Variants in ISM1 observed in about 807,000 individuals in gnomAD.
The protein encoded by ISM1 is isthmin-1.
Under a neutral mutation model 46.3 loss-of-function variants are expected in ISM1, and 25 were observed. The ratio of observed to expected loss-of-function variants is 0.54; its 90% confidence interval spans 0.39 to 0.75. The LOEUF (loss-of-function observed/expected upper bound fraction) is 0.75. Ranked by LOEUF, ISM1 falls within the 30% of genes least tolerant of loss-of-function variation. The pLI, the probability that ISM1 is intolerant of heterozygous loss-of-function variation, is 0.00. For missense variants in ISM1, 536 were observed against 625.4 expected (o/e 0.86, Z 1.52); for synonymous variants, 255 against 256.7 (o/e 0.99, Z 0.06).
At chr20:13,251,809 C>T (rs1405509346) in intron 1 of ISM1, among the ~76,000 whole-genome samples, 2 of 152,082 alleles carry the variant, frequency 1.3e-5, no homozygotes, top group African/African-American at 2.4e-5. Flanking sequence ...CTTTTCTGTA[C>T]GCCACTGGGG....
At chr20:13,326,714 C>T in the ISM1 span, among the ~76,000 whole-genome samples, 10 of 152,268 alleles carry the variant, frequency 6.6e-5, no homozygotes, top group East Asian at 1.9e-3. Context: ...GTTGTTTACA[C>T]ATGATTATCT....
At chr20:13,257,676 T>G (rs1223287351) in intron 1 of ISM1, among the ~76,000 whole-genome samples, 1 of 151,782 alleles carries the variant, frequency 6.6e-6, no homozygotes, top group Non-Finnish European at 1.5e-5. Context: ...TAAAGCAGTG[T>G]TGGGGTGGAC....
downstream of ISM1, among the ~76,000 whole-genome samples, chr20:13,303,556 C>T (rs1029113166): frequency 5.9e-5 from 9 of 152,158 alleles, no homozygotes; most frequent in African/African-American, 2.2e-4. Context: ...CCTACATGCC[C>T]AGGTTCCAGC....
intron 1 of ISM1, among the ~76,000 whole-genome samples, chr20:13,224,908 C>T (rs1469944877): frequency 4.2e-5 from 6 of 144,320 alleles, no homozygotes; most frequent in Non-Finnish European, 3.0e-5. Flanking sequence ...TGCAGTGGCG[C>T]GATCTCTGCT....
At chr20:13,237,691 T>C (rs1359533558) in intron 1 of ISM1, 1 of 152,196 alleles carries the variant, frequency 6.6e-6, no homozygotes, top group Non-Finnish European at 1.5e-5. Flanking sequence ...TGTGTATATT[T>C]CTGTAGGAAT....
intron 1 of ISM1, among the ~76,000 whole-genome samples, chr20:13,267,601 C>CTA (rs2040057502): frequency 6.6e-6 from 1 of 152,152 alleles, no homozygotes. Context: ...TGGTCTGGGG[C>CTA]TAAGCCAGAA....
downstream of ISM1, among the ~76,000 whole-genome samples, chr20:13,302,715 G>A (rs919468180): frequency 6.6e-5 from 10 of 152,164 alleles, no homozygotes; most frequent in African/African-American, 9.7e-5. Flanking sequence ...CTCTTTGAGT[G>A]CACTGCTCTT....
chr20:13,278,365 T>C (rs1044934962), intron 2 of ISM1, among the ~76,000 whole-genome samples: 47 of 152,134 alleles, frequency 3.1e-4, no homozygotes, highest in Non-Finnish European at 5.7e-4. Flanking sequence ...GGATGAGCCA[T>C]GGGGTGAGTG....
Position 13,221,841 on chromosome 20 carries a change from C to G in ISM1, c.65C>G (p.Thr22Ser), listed in dbSNP as rs1244270685. The change falls in exon 1 of 6, where the codon ACC (threonine) becomes AGC (serine). Residue 22 changes from threonine (T) to serine (S), a missense_variant. By Grantham distance (58) the Thr-to-Ser change is moderately conservative. Coordinates refer to ENST00000262487, the MANE Select transcript of ISM1 (RefSeq NM_080826.2). Reference protein sequence around the residue: ...LGLLLLTLHITVLRGSGAADG... With the variant: ...LGLLLLTLHISVLRGSGAADG... ...CTGCTGCTGCTCACGCTGCACATCA[C>G]CGTGCTGCGCGGCTCGGGAGCCGCC... The G allele has an allele frequency of 1.4e-6, 2 of 1,443,308 alleles. No individual in the cohort carries two copies. The highest frequency in any genetic ancestry group is 6.1e-5 in the East Asian group (2 of 32,902). The allele number at this position is 1,443,308 out of a possible 1,614,324, so 89.4% of individuals were successfully genotyped here.
At chr20:13,240,681 G>A (rs2039709651) in intron 1 of ISM1, among the ~76,000 whole-genome samples, 1 of 152,216 alleles carries the variant, frequency 6.6e-6, no homozygotes, top group Non-Finnish European at 1.5e-5. Flanking sequence ...CTGATCAGTG[G>A]ATAATGAGAG....
chr20:13,229,836 CTCTCTCT>C (rs2039568775), intron 1 of ISM1, among the ~76,000 whole-genome samples: 1 of 152,128 alleles, frequency 6.6e-6, no homozygotes, highest in Non-Finnish European at 1.5e-5. Context: ...AGAAATCCCT[CTCTCTCT>C]TCTGTTGGCC....
intron 4 of ISM1, among the ~76,000 whole-genome samples, chr20:13,291,223 C>T (rs1045965094): frequency 3.3e-5 from 5 of 152,152 alleles, no homozygotes; most frequent in African/African-American, 1.2e-4. Flanking sequence ...TCTCGTGTGT[C>T]CTCACCCTCC....
At chr20:13,304,388 T>G (rs6042006), downstream of ISM1, among the ~76,000 whole-genome samples, 54,232 of 152,050 alleles carry the variant, frequency 0.36, 10,287 homozygotes, top group East Asian at 0.48. Context: ...TCCCCCACTG[T>G]CTTCCACATT....
At position 13,229,952 on chromosome 20, in the gene ISM1, C is replaced by T. The variant is rs892683621; in HGVS notation, c.138+8038C>T. On this transcript the variant is annotated intron_variant, in intron 1 of 5. Coordinates refer to ENST00000262487, the MANE Select transcript of ISM1 (RefSeq NM_080826.2). ...GAAAAGAGGTAAACGCCACCTTGGTCGGCCACCTTGAGCTCAAGCACTATA... is the reference window on the plus strand; with the variant it reads ...GAAAAGAGGTAAACGCCACCTTGGTTGGCCACCTTGAGCTCAAGCACTATA... Among the ~76,000 whole-genome samples, 6 of 152,166 alleles carry T rather than the reference C, an allele frequency of 3.9e-5. No individual in the cohort carries two copies. In the South Asian group the frequency reaches 6.2e-4, roughly 16 times the overall value.
intron 1 of ISM1, among the ~76,000 whole-genome samples, chr20:13,253,042 G>T (rs2039885065): frequency 6.6e-6 from 1 of 152,184 alleles, no homozygotes. Flanking sequence ...GACCTGTGTG[G>T]CTTAATTAGA....
At chr20:13,280,908 T>G (rs2040232446) in intron 3 of ISM1, among the ~76,000 whole-genome samples, 1 of 152,242 alleles carries the variant, frequency 6.6e-6, no homozygotes, top group African/African-American at 2.4e-5. Flanking sequence ...GCACCCATCG[T>G]CATGATTTTC....
At chr20:13,258,228 G>A (rs990419392) in intron 1 of ISM1, among the ~76,000 whole-genome samples, 2 of 152,090 alleles carry the variant, frequency 1.3e-5, no homozygotes, top group African/African-American at 4.8e-5. Flanking sequence ...CTCCCTTGCT[G>A]TCTAGCTTCT....
At chr20:13,326,459 C>T in the ISM1 span, among the ~76,000 whole-genome samples, 1 of 152,146 alleles carries the variant, frequency 6.6e-6, no homozygotes, top group Admixed American at 6.5e-5. Flanking sequence ...TTTCCATCTC[C>T]AGCATCAATA....
intron 1 of ISM1, among the ~76,000 whole-genome samples, chr20:13,224,691 C>A (rs6033643): frequency 6.6e-6 from 1 of 151,922 alleles, no homozygotes; most frequent in Non-Finnish European, 1.5e-5. Flanking sequence ...TTTGTATTCA[C>A]TTAAAAAGGG....
Sources: allele counts gnomAD v4.1 joint callset (sites outside exome capture counted in the v4.1 genomes callset), GRCh38; gene constraint gnomAD v4.1.1; transcripts MANE v1.5; gene names NCBI Gene and HGNC (gene_info 2026-07-23, HGNC 2026-07-21).